Variants in PRICKLE1 observed in about 807,000 individuals in gnomAD.
PRICKLE1 encodes the protein prickle planar cell polarity protein 1.
PRICKLE1 carries 14 observed loss-of-function variants against 70.2 expected under a neutral mutation model. The observed-to-expected ratio is 0.20, with a 90% confidence interval of 0.13 to 0.31. The LOEUF (loss-of-function observed/expected upper bound fraction) is 0.31, where lower values mean the gene tolerates loss of function less well. Ranked by LOEUF, PRICKLE1 falls within the 10% of genes least tolerant of loss-of-function variation. The pLI is 1.00. For synonymous variants in PRICKLE1, 357 were observed against 379.9 expected (o/e 0.94, Z 0.70); for missense variants, 821 against 1,026.2 (o/e 0.80, Z 2.73).
intron 1 of PRICKLE1, among the ~76,000 whole-genome samples, chr12:42,498,296 G>A (rs1336920051): frequency 1.3e-5 from 2 of 151,676 alleles, no homozygotes; most frequent in East Asian, 3.9e-4. Context: ...CCCCGGCCCT[G>A]CTGAGTAGCT....
chr12:42,492,801 G>A (rs1939129302), intron 1 of PRICKLE1, among the ~76,000 whole-genome samples: 1 of 152,132 alleles, frequency 6.6e-6, no homozygotes, highest in Non-Finnish European at 1.5e-5. Flanking sequence ...AGTCTGCGCT[G>A]GATTATAGAG....
chr12:42,480,820 G>C (rs985764151), intron 1 of PRICKLE1, among the ~76,000 whole-genome samples: 2 of 152,138 alleles, frequency 1.3e-5, no homozygotes, highest in East Asian at 3.9e-4. Context: ...CTATTTTCAA[G>C]AATTACACAT....
At chr12:42,470,445 GTACAGGGT>G in intron 2 of PRICKLE1, 86 bp from the exon 3 acceptor site, 1 of 959,282 alleles carries the variant, frequency 1.0e-6, no homozygotes. Context: ...CTTTCCCTAG[GTACAGGGT>G]TTGGCCTCTT....
At chr12:42,518,846 A>AT (rs1412596234) in intron 1 of PRICKLE1, among the ~76,000 whole-genome samples, 10 of 152,238 alleles carry the variant, frequency 6.6e-5, no homozygotes, top group Non-Finnish European at 1.5e-4. Flanking sequence ...CTTCTGATAA[A>AT]CTGCAAATTA....
chr12:42,551,483 C>T (rs1940316710), intron 1 of PRICKLE1, among the ~76,000 whole-genome samples: 1 of 152,072 alleles, frequency 6.6e-6, no homozygotes, highest in South Asian at 2.1e-4. Flanking sequence ...GTGGAGGGTC[C>T]CAGAAAAACA....
intron 1 of PRICKLE1, among the ~76,000 whole-genome samples, chr12:42,491,021 T>C (rs1378148223): frequency 6.6e-6 from 1 of 151,506 alleles, no homozygotes; most frequent in Non-Finnish European, 1.5e-5. Context: ...ATTACAGGTA[T>C]GCGCCACCGT....
chr12:42,555,543 C>G (rs1206430125), intron 1 of PRICKLE1, among the ~76,000 whole-genome samples: 1 of 151,856 alleles, frequency 6.6e-6, no homozygotes, highest in Non-Finnish European at 1.5e-5. Context: ...TATTACATAC[C>G]CATAATTAGC....
chr12:42,533,183 T>C (rs552371403), intron 1 of PRICKLE1, among the ~76,000 whole-genome samples: 1 of 151,868 alleles, frequency 6.6e-6, no homozygotes, highest in East Asian at 1.9e-4. Flanking sequence ...ATGTTTACCA[T>C]GTTATTCTGG....
chr12:42,518,142 A>G (rs927005078), intron 1 of PRICKLE1, among the ~76,000 whole-genome samples: 1 of 151,244 alleles, frequency 6.6e-6, no homozygotes, highest in South Asian at 2.1e-4. Flanking sequence ...TCTGTCACCC[A>G]GGGTGATCCT....
intron 1 of PRICKLE1, among the ~76,000 whole-genome samples, chr12:42,570,275 T>C (rs998183269): frequency 1.3e-5 from 2 of 152,224 alleles, no homozygotes; most frequent in Non-Finnish European, 2.9e-5. Flanking sequence ...TGTGATAAAA[T>C]TCACAGGAGT....
intron 1 of PRICKLE1, among the ~76,000 whole-genome samples, chr12:42,531,963 G>A (rs897030627): frequency 6.6e-6 from 1 of 152,122 alleles, no homozygotes. Context: ...TTCAAGAGCA[G>A]TCTGGGCAAC....
intron 1 of PRICKLE1, among the ~76,000 whole-genome samples, chr12:42,574,947 C>G (rs1387166914): frequency 1.2e-4 from 16 of 137,880 alleles, no homozygotes; most frequent in Admixed American, 5.2e-4. Context: ...TTTATGAAAA[C>G]AAAACAGAGA....
intron 1 of PRICKLE1, among the ~76,000 whole-genome samples, chr12:42,498,468 T>G (rs1379828902): frequency 6.6e-6 from 1 of 152,074 alleles, no homozygotes; most frequent in Non-Finnish European, 1.5e-5. Context: ...GCCACTGTGC[T>G]TGGTCTCATT....
chr12:42,479,676 A>G (rs2708068), intron 1 of PRICKLE1, among the ~76,000 whole-genome samples: 121,554 of 152,176 alleles, frequency 0.8, 48,957 homozygotes, highest in African/African-American at 0.88. Context: ...AAATGTAGCC[A>G]CCGGGTGCAG....
intron 1 of PRICKLE1, among the ~76,000 whole-genome samples, chr12:42,534,835 A>G (rs182276175): frequency 1.3e-5 from 2 of 152,258 alleles, no homozygotes; most frequent in East Asian, 3.9e-4. Flanking sequence ...AAACCTACCT[A>G]TGAACAAAAT....
At chr12:42,476,149 TAA>T (rs2140135437) in intron 1 of PRICKLE1, among the ~76,000 whole-genome samples, 1 of 150,944 alleles carries the variant, frequency 6.6e-6, no homozygotes, top group East Asian at 2.0e-4. Flanking sequence ...CAGGCTGTGC[TAA>T]GAGTTGCTAC....
rs915352939 is a variant in PRICKLE1 at position 42,556,081 on chromosome 12, G to T, written c.-49+33384C>A. The stretch of plus-strand genomic sequence containing the variant: ...AATCCATATTATTTTCTGTAATTCA[G>T]GCATAAAGTCCTATTGATTATGTGC... On this transcript the variant is annotated intron_variant, in intron 1 of 7. Transcript: ENST00000345127. Among the ~76,000 whole-genome samples, 12 of 152,106 alleles carry T rather than the reference G, an allele frequency of 7.9e-5. No individual in the cohort carries two copies. In the East Asian group the frequency reaches 2.1e-3, roughly 27 times the overall value.
intron 1 of PRICKLE1, among the ~76,000 whole-genome samples, chr12:42,511,689 G>A (rs527936220): frequency 1.3e-4 from 20 of 152,312 alleles, no homozygotes; most frequent in Admixed American, 1.2e-3. Flanking sequence ...GCTTGGAGAT[G>A]TGTATTAGAG....
rs1285254189 is a variant in PRICKLE1 at position 42,464,927 on chromosome 12, G to A, written c.1107C>T (p.Asp369=). 9.9e-6 allele frequency: 16 copies of A among 1,614,186 alleles called. No homozygotes were observed. The highest frequency in any genetic ancestry group is 1.4e-5 in the Non-Finnish European group (16 of 1,180,040). The change falls in exon 7 of 8, where the codon GAC becomes GAT. Residue 369 remains aspartate (D), a synonymous_variant. Transcript: ENST00000345127. The surrounding 1 kb of genome is among the most constrained non-coding windows in gnomAD (Gnocchi z 4.2). ...GATCATCCAATTTTCGAGAAAGGGT[G>A]TCATCAGCATTGCCTGAGAGGCCAG... ...KFPGLSGNAD[D]TLSRKLDDLS...
Sources: gnomAD v4.1 joint callset for allele counts (sites outside exome capture counted in the v4.1 genomes callset) on GRCh38, gnomAD v4.1.1 for gene constraint, Gnocchi (gnomAD v3.1) non-coding constraint, MANE v1.5 for transcripts, NCBI Gene and HGNC (gene_info 2026-07-23, HGNC 2026-07-21) for gene names.